Variants in KCNH8 observed in about 807,000 individuals in gnomAD.
KCNH8 encodes the protein voltage-gated delayed rectifier potassium channel KCNH8.
KCNH8 carries 70 observed loss-of-function variants against 103.6 expected under a neutral mutation model. That is an observed-to-expected ratio of 0.68 (90% CI 0.56 to 0.82). KCNH8 has a LOEUF of 0.82. Ranked by LOEUF, KCNH8 falls within the 40% of genes least tolerant of loss-of-function variation. The pLI, the probability that KCNH8 is intolerant of heterozygous loss-of-function variation, is 0.00. For missense variants in KCNH8, 1,217 were observed against 1,329.9 expected (o/e 0.92, Z 1.32); for synonymous variants, 498 against 489.4 (o/e 1.02, Z -0.23).
chr3:19,313,858 G>A (rs2065238874), intron 3 of KCNH8, among the ~76,000 whole-genome samples: 1 of 151,868 alleles, frequency 6.6e-6, no homozygotes, highest in African/African-American at 2.4e-5. Flanking sequence ...AGTATTCTTG[G>A]TGAATTAAGT....
At chr3:19,403,058 G>A (rs1250561052) in intron 7 of KCNH8, among the ~76,000 whole-genome samples, 1 of 151,712 alleles carries the variant, frequency 6.6e-6, no homozygotes, top group African/African-American at 2.4e-5. Context: ...CACTTGAGGA[G>A]AAACTGTTTT....
At chr3:19,374,533 A>C (rs1206327959) in intron 5 of KCNH8, among the ~76,000 whole-genome samples, 2 of 152,156 alleles carry the variant, frequency 1.3e-5, no homozygotes, top group Non-Finnish European at 2.9e-5. Flanking sequence ...AATACAGCAC[A>C]CTGATGGGTG....
chr3:19,288,181 C>CTTTTTTTTTTTTTTTTT (rs767659898), intron 3 of KCNH8, among the ~76,000 whole-genome samples: 1 of 38,176 alleles, frequency 2.6e-5, no homozygotes, highest in African/African-American at 9.6e-5. Flanking sequence ...TATCAAACTT[C>CTTTTTTTTTTTTTTTTT]TTTTTTTTTT....
chr3:19,484,162 A>C (rs1010672053), intron 11 of KCNH8, among the ~76,000 whole-genome samples: 1 of 152,074 alleles, frequency 6.6e-6, no homozygotes, highest in African/African-American at 2.4e-5. Context: ...ACCAGTCTTT[A>C]GTTCTTAATC....
chr3:19,302,785 CTT>C (rs1384234388), intron 3 of KCNH8, among the ~76,000 whole-genome samples: 1 of 152,132 alleles, frequency 6.6e-6, no homozygotes, highest in Non-Finnish European at 1.5e-5. Context: ...TTCTATTTCT[CTT>C]GAGTCTAGAA....
rs143316129 is a variant in KCNH8 at position 19,207,633 on chromosome 3, G to A, written c.77-46021G>A. 4.2e-3 allele frequency among the ~76,000 whole-genome samples: 634 copies of A among 151,994 alleles called. 4 individuals carry two copies. The highest frequency in any genetic ancestry group is 0.014 in the African/African-American group (599 of 41,510). On this transcript the variant is annotated intron_variant, in intron 1 of 15. Coordinates refer to ENST00000328405, the MANE Select transcript of KCNH8 (RefSeq NM_144633.3). ...ATATCAAGTCTTTTGAGACTCTCAC[G>A]AATAGACATTCCAGGGCTATATTTT... is the stretch of plus-strand genomic sequence containing the variant.
At chr3:19,494,281 C>T (rs1450106640) in intron 11 of KCNH8, among the ~76,000 whole-genome samples, 1 of 152,148 alleles carries the variant, frequency 6.6e-6, no homozygotes, top group East Asian at 1.9e-4. Context: ...CCATAATTCC[C>T]ATGTGTTGGT....
intron 15 of KCNH8, among the ~76,000 whole-genome samples, chr3:19,527,458 A>T (rs2069084746): frequency 6.6e-6 from 1 of 152,076 alleles, no homozygotes; most frequent in African/African-American, 2.4e-5. Context: ...CATGGGGACT[A>T]AAGTTTTATA....
intron 3 of KCNH8, among the ~76,000 whole-genome samples, chr3:19,295,367 T>C (rs1160349100): frequency 1.3e-5 from 2 of 150,368 alleles, no homozygotes; most frequent in South Asian, 4.2e-4. Context: ...CTGGGTGACA[T>C]AGAGAGACCC....
At chr3:19,298,083 A>G (rs2065018207) in intron 3 of KCNH8, among the ~76,000 whole-genome samples, 1 of 152,238 alleles carries the variant, frequency 6.6e-6, no homozygotes, top group South Asian at 2.1e-4. Context: ...AGAATAATAA[A>G]TAATAGTGCT....
In KCNH8 at chr3:19,425,901, TG is replaced by T. The variant is rs113187253; in HGVS notation, c.1178-12262del. Among the ~76,000 whole-genome samples, 29 of 152,302 alleles carry T rather than the reference TG, an allele frequency of 1.9e-4. 1 individual carries two copies. The highest frequency in any genetic ancestry group is 6.3e-4 in the African/African-American group (26 of 41,572). On this transcript the variant is annotated intron_variant, in intron 7 of 15. Transcript: ENST00000328405. ...AGGTTGGAGCTGAGGTGTTGACAAT[TG>T]TATTTTTAAACATTGAAAATTGCTG...
Position 19,304,355 on chromosome 3 carries a change from G to A in KCNH8, c.442+23026G>A, listed in dbSNP as rs192866080. ...GTGAAAAACTGCCAAGACTTCTACA[G>A]GGAGCTTCTTATGGAAAAGGTATAA... On this transcript the variant is annotated intron_variant, in intron 3 of 15. Transcript: ENST00000328405. 1.9e-3 allele frequency among the ~76,000 whole-genome samples: 296 copies of A among 152,124 alleles called. 1 individual carries two copies. Among genetic ancestry groups the A allele is most frequent in the African/African-American group, 6.8e-3 (282 of 41,528 alleles).
At chr3:19,259,384 G>C (rs568533540) in intron 2 of KCNH8, among the ~76,000 whole-genome samples, 1 of 151,616 alleles carries the variant, frequency 6.6e-6, no homozygotes, top group Non-Finnish European at 1.5e-5. Flanking sequence ...AGTATACTGG[G>C]TAATAATAGA....
chr3:19,179,156 T>A lies in KCNH8; in HGVS notation c.76+30361T>A, dbSNP rs116408170. ...AGAGAATTTACTCCTGGTAAATTACTGTTTTTGTTGTTGATCTGGTTTTGT... is the reference window on the plus strand; with the variant it reads ...AGAGAATTTACTCCTGGTAAATTACAGTTTTTGTTGTTGATCTGGTTTTGT... On this transcript the variant is annotated intron_variant, in intron 1 of 15. Coordinates refer to ENST00000328405, the MANE Select transcript of KCNH8 (RefSeq NM_144633.3). Among the ~76,000 whole-genome samples the A allele has an allele frequency of 7.6e-3, 1,153 of 152,294 alleles. 13 individuals are homozygous for A. The highest frequency in any genetic ancestry group is 0.027 in the African/African-American group (1,109 of 41,574).
chr3:19,287,572 TTTGTTGTTG>T (rs113159230), intron 3 of KCNH8, among the ~76,000 whole-genome samples: 29 of 150,786 alleles, frequency 1.9e-4, no homozygotes, highest in East Asian at 1.6e-3. Context: ...CAGTCCACTT[TTTGTTGTTG>T]TTGTTGTTGT....
At chr3:19,159,148 C>G (rs1042268741) in intron 1 of KCNH8, among the ~76,000 whole-genome samples, 1 of 151,752 alleles carries the variant, frequency 6.6e-6, no homozygotes, top group Non-Finnish European at 1.5e-5. Context: ...CGAGACTATT[C>G]TTTCTGTGTT....
intron 1 of KCNH8, among the ~76,000 whole-genome samples, chr3:19,183,986 T>C (rs1238831824): frequency 6.6e-6 from 1 of 152,124 alleles, no homozygotes; most frequent in Non-Finnish European, 1.5e-5. Context: ...CTTATGTTCA[T>C]ATGAATTCAA....
chr3:19,467,007 A>G (rs535273218), intron 11 of KCNH8, among the ~76,000 whole-genome samples: 22 of 151,680 alleles, frequency 1.5e-4, no homozygotes, highest in African/African-American at 4.4e-4. Flanking sequence ...TTAGACATAC[A>G]TAAGTCTATT....
chr3:19,164,494 A>G (rs1361956594), intron 1 of KCNH8, among the ~76,000 whole-genome samples: 1 of 152,198 alleles, frequency 6.6e-6, no homozygotes, highest in African/African-American at 2.4e-5. Flanking sequence ...GGATTGGGAA[A>G]CTGAAGCCTA....
Sources: gnomAD v4.1 joint callset for allele counts (sites outside exome capture counted in the v4.1 genomes callset) on GRCh38, gnomAD v4.1.1 for gene constraint, MANE v1.5 for transcripts, NCBI Gene and HGNC (gene_info 2026-07-23, HGNC 2026-07-21) for gene names.